Variants in ADGRL3 observed in about 807,000 individuals in gnomAD.
The protein encoded by ADGRL3 is calcium-independent alpha-latrotoxin receptor 3.
Under a neutral mutation model 153.5 loss-of-function variants are expected in ADGRL3, and 62 were observed. That is an observed-to-expected ratio of 0.40 (90% confidence interval 0.33 to 0.50). The LOEUF (loss-of-function observed/expected upper bound fraction) is 0.50, where lower values mean the gene tolerates loss of function less well. Among genes scored for constraint, ADGRL3 ranks in the 20% least tolerant of loss-of-function variants. The pLI is 0.47. For synonymous variants in ADGRL3, 710 were observed against 672.5 expected (o/e 1.06, Z -0.86); for missense variants, 1,641 against 1,859.4 (o/e 0.88, Z 2.16).
At chr4:61,252,098 G>A (rs1025442394) in intron 1 of ADGRL3, among the ~76,000 whole-genome samples, 1 of 151,960 alleles carries the variant, frequency 6.6e-6, no homozygotes, top group Non-Finnish European at 1.5e-5. Flanking sequence ...GGCCAGGCTG[G>A]TCTTGAACTC....
At chr4:61,590,363 A>G (rs183962473) in intron 5 of ADGRL3, among the ~76,000 whole-genome samples, 2 of 152,050 alleles carry the variant, frequency 1.3e-5, no homozygotes, top group Admixed American at 6.6e-5. Flanking sequence ...GTTTTTTTAT[A>G]TATTTTAGAG....
intron 8 of ADGRL3, among the ~76,000 whole-genome samples, chr4:61,773,055 A>G (rs1324337351): frequency 6.6e-6 from 1 of 152,186 alleles, no homozygotes; most frequent in Non-Finnish European, 1.5e-5. Context: ...GTTCATTACA[A>G]TGATGCTTAA....
intron 4 of ADGRL3, among the ~76,000 whole-genome samples, chr4:61,529,236 G>A (rs2098597223): frequency 6.6e-6 from 1 of 152,234 alleles, no homozygotes; most frequent in Middle Eastern, 3.4e-3. Flanking sequence ...TACATCTTAT[G>A]AGTTCTGGAT....
intron 1 of ADGRL3, among the ~76,000 whole-genome samples, chr4:61,288,730 GAGAT>G (rs1448798654): frequency 6.6e-6 from 1 of 151,984 alleles, no homozygotes; most frequent in African/African-American, 2.4e-5. Flanking sequence ...AAGTAAATAA[GAGAT>G]AGCTCCCTTT....
chr4:61,847,833 ATATATATAATATAAAATATAT>A (rs1375105164), intron 9 of ADGRL3, among the ~76,000 whole-genome samples: 299 of 8,654 alleles, frequency 0.035, no homozygotes, highest in African/African-American at 0.039. Context: ...AATATAAAAT[ATATATATAATATAAAATATAT>A]TATATATAAT....
Position 62,031,544 on chromosome 4 carries a change from CTT to C in ADGRL3, c.3526_3527del (p.Phe1176HisfsTer36). The stretch of plus-strand genomic sequence containing the variant: ...AAAGCACAGTCATCATGGCCTATCT[CTT>C]CACCATTTTCAATTCTCTACAGGGA... ...NESTVIMAYL[F>X]TIFNSLQGMF... On this transcript the variant is annotated frameshift_variant, in exon 23 of 27. Transcript: ENST00000683033. LOFTEE classifies it high-confidence loss of function. 6.2e-7 allele frequency: 1 copy of C among 1,610,402 alleles called. No individual in the cohort carries two copies. The highest frequency in any genetic ancestry group is 8.5e-7 in the Non-Finnish European group (1 of 1,177,354).
chr4:61,745,204 CTA>C (rs2096639431), intron 8 of ADGRL3, among the ~76,000 whole-genome samples: 1 of 152,118 alleles, frequency 6.6e-6, no homozygotes, highest in Non-Finnish European at 1.5e-5. Context: ...AAAAATGGGA[CTA>C]TGTGAAAAGA....
intron 2 of ADGRL3, among the ~76,000 whole-genome samples, chr4:61,424,009 G>T (rs1214132504): frequency 6.6e-6 from 1 of 152,128 alleles, no homozygotes; most frequent in African/African-American, 2.4e-5. Flanking sequence ...ATAGGACAAT[G>T]TGACTGTCAG....
chr4:61,663,676 T>A (rs933685570), intron 5 of ADGRL3, among the ~76,000 whole-genome samples: 3 of 152,330 alleles, frequency 2.0e-5, no homozygotes, highest in Middle Eastern at 3.4e-3. Flanking sequence ...GGTTTCTGTA[T>A]GGGAAAGTGA....
intron 11 of ADGRL3, among the ~76,000 whole-genome samples, chr4:61,899,394 A>G (rs190316228): frequency 5.3e-5 from 8 of 152,098 alleles, no homozygotes; most frequent in South Asian, 4.1e-4. Flanking sequence ...AGTCAAATAG[A>G]TATCTTTAAT....
At chr4:61,850,598 AC>A in intron 9 of ADGRL3, among the ~76,000 whole-genome samples, 1 of 152,274 alleles carries the variant, frequency 6.6e-6, no homozygotes, top group South Asian at 2.1e-4. Context: ...ATTGTTTATG[AC>A]ATATAAAACG....
In ADGRL3 at chr4:61,749,772, A is replaced by G. The variant is rs979901404; in HGVS notation, c.1399+16218A>G. On this transcript the variant is annotated intron_variant, in intron 8 of 26. Coordinates refer to ENST00000683033, the MANE Select transcript of ADGRL3 (RefSeq NM_001387552.1). ...ATACCTAATGCTAAATGACGAGTTAATGGGTGCAGTACACCAGCATGGCAC... is the reference window on the plus strand; with the variant it reads ...ATACCTAATGCTAAATGACGAGTTAGTGGGTGCAGTACACCAGCATGGCAC... 5.3e-5 allele frequency among the ~76,000 whole-genome samples: 8 copies of G among 152,228 alleles called. No individual in the cohort carries two copies. The South Asian group carries it at 1.0e-3, about 20-fold the overall frequency.
intron 8 of ADGRL3, among the ~76,000 whole-genome samples, chr4:61,746,781 C>G: frequency 6.6e-6 from 1 of 152,116 alleles, no homozygotes; most frequent in East Asian, 1.9e-4. Flanking sequence ...GACACCCTAA[C>G]ATCACAATTA....
chr4:61,474,086 A>G (rs1191398554), intron 2 of ADGRL3, among the ~76,000 whole-genome samples: 1 of 152,130 alleles, frequency 6.6e-6, no homozygotes, highest in African/African-American at 2.4e-5. Context: ...AGAAATAAAG[A>G]TGATTAGGCA....
At chr4:61,958,409 CTTT>C (rs2098975927) in intron 17 of ADGRL3, among the ~76,000 whole-genome samples, 4 of 146,758 alleles carry the variant, frequency 2.7e-5, no homozygotes, top group Non-Finnish European at 6.0e-5. Flanking sequence ...TTCTTTCTTT[CTTT>C]CTTTCTTTCT....
chr4:61,262,000 A>G (rs1260415681), intron 1 of ADGRL3, among the ~76,000 whole-genome samples: 6 of 86,074 alleles, frequency 7.0e-5, no homozygotes, highest in Non-Finnish European at 1.5e-4. Context: ...GACGAGATTG[A>G]AATATTAAGA....
At chr4:61,848,657 AT>A (rs1387576524) in intron 9 of ADGRL3, among the ~76,000 whole-genome samples, 1 of 152,108 alleles carries the variant, frequency 6.6e-6, no homozygotes, top group East Asian at 1.9e-4. Context: ...TGTATTCTAA[AT>A]TTTATCCAAG....
rs1491155598 is a variant in ADGRL3, at chr4:61,560,654, TTA to T, written c.260-26571_260-26570del. ...TTGAATTTGTGGGGTTTTTATTTAT[TTA>T]TTTTTTTTGCCTTCCTTTAAAGAAA... On this transcript the variant is annotated intron_variant, in intron 4 of 26. Coordinates refer to ENST00000683033, the MANE Select transcript of ADGRL3 (RefSeq NM_001387552.1). 8.4e-4 allele frequency among the ~76,000 whole-genome samples: 87 copies of T among 103,558 alleles called. No individual in the cohort carries two copies. In the East Asian group the frequency reaches 8.9e-3, roughly 11 times the overall value. The allele number at this position is 103,558 out of a possible 152,430, so 67.9% of individuals were successfully genotyped here. A position where few individuals can be genotyped will look rare whatever the true frequency, so the allele number is the denominator to read the frequency against.
chr4:61,789,761 A>G lies in ADGRL3; in HGVS notation c.1400-24048A>G, dbSNP rs535730818. The stretch of plus-strand genomic sequence containing the variant: ...TTTAATCAGTATTTTCACTTTTGCC[A>G]AAATATGCTTATATACTAGAACATA... On this transcript the variant is annotated intron_variant, in intron 8 of 26. Coordinates refer to ENST00000683033, the MANE Select transcript of ADGRL3 (RefSeq NM_001387552.1). Among the ~76,000 whole-genome samples the G allele has an allele frequency of 1.1e-4, 17 of 152,312 alleles. No homozygotes were observed. The South Asian group carries it at 3.5e-3, about 32-fold the overall frequency.
Sources: gnomAD v4.1 joint callset for allele counts (sites outside exome capture counted in the v4.1 genomes callset) on GRCh38, gnomAD v4.1.1 for gene constraint, MANE v1.5 for transcripts, NCBI Gene and HGNC (gene_info 2026-07-23, HGNC 2026-07-21) for gene names.